PCDH15: variants seen among roughly 807,000 people sequenced by gnomAD.
PCDH15 encodes the protein protocadherin related 15.
A neutral mutation model predicts 178.5 loss-of-function variants in PCDH15; 129 were observed. The ratio of observed to expected loss-of-function variants is 0.72; its 90% CI spans 0.63 to 0.84. The LOEUF (loss-of-function observed/expected upper bound fraction) is 0.84. PCDH15 is among the 40% of genes least tolerant of loss of function. The pLI is 0.00. For synonymous variants in PCDH15, 800 were observed against 732.0 expected (o/e 1.09, Z -1.50); for missense variants, 2,230 against 2,099.9 (o/e 1.06, Z -1.21).
chr10:54,410,886 G>T (rs1953390160), intron 3 of PCDH15, among the ~76,000 whole-genome samples: 1 of 71,766 alleles, frequency 1.4e-5, no homozygotes, highest in Non-Finnish European at 3.4e-5. Context: ...GACCGAGCTG[G>T]CATTGTTGAA....
intron 2 of PCDH15, among the ~76,000 whole-genome samples, chr10:54,920,043 T>A (rs987005223): frequency 1.3e-5 from 2 of 152,208 alleles, no homozygotes; most frequent in African/African-American, 4.8e-5. Context: ...TTCCATCTAA[T>A]ACATGATTAA....
chr10:55,142,204 C>T (rs371447863), intron 2 of PCDH15, among the ~76,000 whole-genome samples: 1 of 152,046 alleles, frequency 6.6e-6, no homozygotes, highest in Non-Finnish European at 1.5e-5. Flanking sequence ...CCTATCCCAC[C>T]TTCTTCCATT....
rs114944867 is a variant in PCDH15, at chr10:55,040,003, T to C, written c.-80+126573A>G. 8.6e-3 allele frequency among the ~76,000 whole-genome samples: 1,315 copies of C among 152,148 alleles called. 19 individuals are homozygous for C. Among genetic ancestry groups the C allele is most frequent in the African/African-American group, 0.03 (1,248 of 41,528 alleles). ...AATGGAACATTCATCCATAGCATTT[T>C]AGAACAAATGGCTGTAAACAGAATT... On this transcript the variant is annotated intron_variant, in intron 2 of 5. Coordinates refer to the PCDH15 transcript ENST00000458638.
At chr10:54,584,638 C>G (rs1454051260) in intron 2 of PCDH15, among the ~76,000 whole-genome samples, 1 of 152,020 alleles carries the variant, frequency 6.6e-6, no homozygotes, top group Non-Finnish European at 1.5e-5. Flanking sequence ...TTTATTCTAT[C>G]TTGATTCATG....
chr10:55,486,850 G>C (rs1455013730), intron 2 of PCDH15, among the ~76,000 whole-genome samples: 1 of 151,318 alleles, frequency 6.6e-6, no homozygotes, highest in East Asian at 2.0e-4. Flanking sequence ...CTAAACAGAG[G>C]CCTCTTCTCA....
chr10:54,473,193 G>A (rs1217419750), intron 3 of PCDH15, among the ~76,000 whole-genome samples: 1 of 152,118 alleles, frequency 6.6e-6, no homozygotes, highest in Non-Finnish European at 1.5e-5. Context: ...CATACTCTTT[G>A]AGATTTTGCC....
chr10:55,025,401 A>G (rs1033952073), intron 2 of PCDH15, among the ~76,000 whole-genome samples: 19 of 152,142 alleles, frequency 1.2e-4, no homozygotes, highest in African/African-American at 4.3e-4. Context: ...CTAGCCTTAC[A>G]TGACACAACT....
chr10:54,293,167 T>C (rs111276597), intron 8 of PCDH15, among the ~76,000 whole-genome samples: 4 of 152,154 alleles, frequency 2.6e-5, no homozygotes, highest in African/African-American at 7.2e-5. Flanking sequence ...ACACCACACA[T>C]CTGCAACCAT....
At chr10:54,164,821 A>C (rs1037765151) in intron 13 of PCDH15, among the ~76,000 whole-genome samples, 1 of 152,198 alleles carries the variant, frequency 6.6e-6, no homozygotes, top group African/African-American at 2.4e-5. Context: ...TATTATATCT[A>C]AAGTTACAAG....
At chr10:54,266,333 T>C (rs2057687504) in intron 8 of PCDH15, among the ~76,000 whole-genome samples, 1 of 151,786 alleles carries the variant, frequency 6.6e-6, no homozygotes, top group South Asian at 2.1e-4. Context: ...AAAATTATAG[T>C]GCTAAATACA....
chr10:54,144,267 A>C (rs1029037780), intron 14 of PCDH15, among the ~76,000 whole-genome samples: 39 of 152,238 alleles, frequency 2.6e-4, no homozygotes, highest in African/African-American at 8.9e-4. Context: ...ATAAATAGAA[A>C]GGGGGGACTG....
At chr10:54,715,409 A>G (rs2095468784) in intron 1 of PCDH15, among the ~76,000 whole-genome samples, 1 of 152,114 alleles carries the variant, frequency 6.6e-6, no homozygotes, top group South Asian at 2.1e-4. Flanking sequence ...AGAGGCTGTT[A>G]GCATGCCTCA....
intron 2 of PCDH15, among the ~76,000 whole-genome samples, chr10:54,953,074 T>G (rs1201300977): frequency 6.6e-6 from 1 of 151,616 alleles, no homozygotes; most frequent in East Asian, 1.9e-4. Flanking sequence ...CTCTTCATCT[T>G]CATGTGAACG....
At chr10:54,098,662 A>G (rs1404785305) in intron 15 of PCDH15, among the ~76,000 whole-genome samples, 1 of 152,188 alleles carries the variant, frequency 6.6e-6, no homozygotes, top group Non-Finnish European at 1.5e-5. Flanking sequence ...TTGCTAATAA[A>G]TATACTGTGC....
intron 1 of PCDH15, among the ~76,000 whole-genome samples, chr10:55,176,652 G>A (rs1372869747): frequency 3.3e-5 from 5 of 152,092 alleles, no homozygotes; most frequent in Admixed American, 2.0e-4. Context: ...AAATGGAGAC[G>A]TTCCAGGATC....
At chr10:54,265,704 A>G (rs2057629518) in intron 8 of PCDH15, among the ~76,000 whole-genome samples, 1 of 152,102 alleles carries the variant, frequency 6.6e-6, no homozygotes, top group Non-Finnish European at 1.5e-5. Context: ...AAAGGGCTCA[A>G]TTCAACAAGA....
intron 2 of PCDH15, among the ~76,000 whole-genome samples, chr10:55,410,573 A>G (rs1191615415): frequency 6.6e-6 from 1 of 152,166 alleles, no homozygotes; most frequent in African/African-American, 2.4e-5. Flanking sequence ...AATATGATAA[A>G]GCAATTCTCT....
intron 2 of PCDH15, among the ~76,000 whole-genome samples, chr10:55,028,815 T>G (rs1840539953): frequency 6.6e-6 from 1 of 152,032 alleles, no homozygotes; most frequent in Non-Finnish European, 1.5e-5. Context: ...TCGTACATGT[T>G]TATCTGCTTC....
chr10:54,718,144 G>C (rs557040850), intron 1 of PCDH15, among the ~76,000 whole-genome samples: 9 of 149,600 alleles, frequency 6.0e-5, no homozygotes, highest in Admixed American at 1.3e-4. Flanking sequence ...ATAGCATTGG[G>C]AGATATACCT....
Sources: allele counts gnomAD v4.1 joint callset (sites outside exome capture counted in the v4.1 genomes callset), GRCh38; gene constraint gnomAD v4.1.1; transcripts MANE v1.5; gene names NCBI Gene and HGNC (gene_info 2026-07-23, HGNC 2026-07-21).